ETFDH: variants seen among roughly 807,000 people sequenced by gnomAD.
ETFDH encodes the protein electron transfer flavoprotein-ubiquinone oxidoreductase, mitochondrial.
In ETFDH, 61 loss-of-function variants were observed where a neutral mutation model predicts 73.2. That is an observed-to-expected ratio of 0.83 (90% CI 0.68 to 1.03). ETFDH has a LOEUF of 1.03. Ranked by LOEUF, ETFDH falls within the 50% of genes least tolerant of loss-of-function variation. The pLI is 0.00. For missense variants in ETFDH, 685 were observed against 745.0 expected (o/e 0.92, Z 0.94); for synonymous variants, 243 against 253.3 (o/e 0.96, Z 0.39).
chr4:158,680,736 C>T (rs1388719135), intron 2 of ETFDH, 129 bp downstream of exon 2: 3 of 780,174 alleles, frequency 3.8e-6, no homozygotes, highest in South Asian at 1.5e-5. Context: ...TACCAAGTCA[C>T]ATGCTGCATA....
intron 12 of ETFDH, 141 bp downstream of exon 12, chr4:158,706,991 T>A: frequency 1.6e-6 from 1 of 619,378 alleles, no homozygotes; most frequent in Non-Finnish European, 2.9e-6. Flanking sequence ...TTAGGAAACA[T>A]ACTTTTAACT....
At position 158,698,900 on chromosome 4, in the gene ETFDH, A is replaced by T. The variant is rs549973899; in HGVS notation, c.973-87A>T. 19 of 944,132 alleles carry T rather than the reference A, an allele frequency of 2.0e-5. No individual in the cohort carries two copies. The African/African-American group carries it at 2.8e-4, about 14-fold the overall frequency. 58.5% of individuals were successfully genotyped at this position (944,132 alleles called of 1,614,324 possible). ...TTTGAGTAAAAGAAATTTAACCTAC[A>T]TGTTTTCTGATAAACATTGCTTACA... On this transcript the variant is annotated intron_variant, in intron 8 of 12. Coordinates refer to ENST00000511912, the MANE Select transcript of ETFDH (RefSeq NM_004453.4).
At chr4:158,689,842 T>G (rs1408733681) in intron 5 of ETFDH, among the ~76,000 whole-genome samples, 1 of 151,694 alleles carries the variant, frequency 6.6e-6, no homozygotes, top group South Asian at 2.1e-4. Context: ...TTTGACCTAT[T>G]TTCCCCTTTT....
rs1773974012 is a variant in ETFDH at position 158,685,203 on chromosome 4, G to A, written c.590G>A (p.Gly197Asp). The part of the protein sequence containing the change: ...AEALGVEVYP[G>D]YAAAEVLFHD... ...GCCCTTGGTGTTGAAGTATACCCTG[G>A]TTATGCAGCTGCTGAGGTTTGTATA... The change falls in exon 5 of 13, where the codon GGT becomes GAT. Residue 197 changes from glycine to aspartate, a missense_variant. Gly to Asp is a moderately conservative substitution (Grantham distance 94). This residue lies in a region of ETFDH where 405 missense variants were observed against 399.3 expected (regional missense o/e 1.01). Coordinates refer to ENST00000511912, the MANE Select transcript of ETFDH (RefSeq NM_004453.4). 6.3e-7 allele frequency: 1 copy of A among 1,596,678 alleles called. No individual in the cohort carries two copies. Among genetic ancestry groups the A allele is most frequent in the Non-Finnish European group, 8.6e-7 (1 of 1,164,384 alleles).
chr4:158,697,434 C>A, intron 7 of ETFDH, 125 bp from the exon 8 acceptor site: 1 of 815,780 alleles, frequency 1.2e-6, no homozygotes, highest in Non-Finnish European at 2.0e-6. Context: ...ATTCTTATAT[C>A]ACAGTTTTTC....
intron 9 of ETFDH, among the ~76,000 whole-genome samples, chr4:158,699,975 T>A (rs1460236344): frequency 1.3e-5 from 2 of 152,184 alleles, no homozygotes; most frequent in African/African-American, 2.4e-5. Flanking sequence ...TTGTACCAAA[T>A]TATTTGGAGC....
intron 9 of ETFDH, among the ~76,000 whole-genome samples, chr4:158,701,123 G>A (rs79425428): frequency 3.3e-5 from 5 of 152,092 alleles, no homozygotes; most frequent in African/African-American, 1.2e-4. Flanking sequence ...CCCACCCAAG[G>A]TAGGATCCTC....
chr4:158,684,485 G>A (rs1463909440), intron 3 of ETFDH, 107 bp from the exon 4 acceptor site: 5 of 656,122 alleles, frequency 7.6e-6, no homozygotes, highest in Non-Finnish European at 1.4e-5. Context: ...AAAATTAGGG[G>A]GGAGTTCTTT....
intron 7 of ETFDH, 93 bp downstream of exon 7, chr4:158,695,736 A>C (rs1000709011): frequency 1.1e-6 from 1 of 874,672 alleles, no homozygotes. Flanking sequence ...ATTTAATTTT[A>C]GTTATATTTT....
chr4:158,685,027 T>TTA (rs1159014425), intron 4 of ETFDH, 74 bp from the exon 5 acceptor site: 1 of 884,558 alleles, frequency 1.1e-6, no homozygotes, highest in African/African-American at 1.7e-5. Flanking sequence ...TGATTCGAAA[T>TTA]TTTAAAGTAT....
intron 7 of ETFDH, 145 bp downstream of exon 7, chr4:158,695,788 C>T (rs1348346123): frequency 2.1e-5 from 14 of 661,306 alleles, no homozygotes; most frequent in African/African-American, 7.3e-5. Context: ...AACTTATTTG[C>T]GATATTTTTC....
rs1394715045 is a variant in ETFDH, at chr4:158,690,202, C to T, written c.607-146C>T. On this transcript the variant is annotated intron_variant, in intron 5 of 12. Coordinates refer to ENST00000511912, the MANE Select transcript of ETFDH (RefSeq NM_004453.4). ...GAAGGGAGTACCTTAATACATGTCT[C>T]TTTATTACCTGAACATTTTAAACTC... 87 of 630,858 alleles carry T rather than the reference C, an allele frequency of 1.4e-4. No homozygotes were observed. In the East Asian group the frequency reaches 2.4e-3, roughly 17 times the overall value. 39.1% of individuals were successfully genotyped at this position (630,858 alleles called of 1,614,324 possible).
chr4:158,678,593 G>A (rs1773768920), intron 1 of ETFDH, among the ~76,000 whole-genome samples: 1 of 150,678 alleles, frequency 6.6e-6, no homozygotes, highest in Non-Finnish European at 1.5e-5. Flanking sequence ...TACTCAATAA[G>A]TTCATCCCAC....
intron 9 of ETFDH, among the ~76,000 whole-genome samples, chr4:158,702,864 T>A (rs1774501255): frequency 6.6e-6 from 1 of 152,148 alleles, no homozygotes; most frequent in African/African-American, 2.4e-5. Flanking sequence ...ATATGGGTAG[T>A]TCTATTTGTA....
intron 9 of ETFDH, among the ~76,000 whole-genome samples, chr4:158,700,221 A>G (rs958659597): frequency 6.6e-6 from 1 of 151,912 alleles, no homozygotes; most frequent in Non-Finnish European, 1.5e-5. Context: ...CCATAGCTAC[A>G]TTATAAATAT....
chr4:158,706,502 ATTATT>A, intron 11 of ETFDH, 122 bp from the exon 12 acceptor site: 1 of 1,090,318 alleles, frequency 9.2e-7, no homozygotes, highest in Non-Finnish European at 1.4e-6. Flanking sequence ...AGAACAGTAT[ATTATT>A]ACTTGAGGGC....
At chr4:158,684,746 T>C in intron 4 of ETFDH, 73 bp downstream of exon 4, 1 of 898,308 alleles carries the variant, frequency 1.1e-6, no homozygotes, top group East Asian at 2.4e-5. Flanking sequence ...TCTGACGAAA[T>C]TTCCTCCTTT....
intron 8 of ETFDH, among the ~76,000 whole-genome samples, chr4:158,698,305 T>C (rs897598671): frequency 4.6e-5 from 7 of 152,240 alleles, no homozygotes; most frequent in Non-Finnish European, 7.3e-5. Flanking sequence ...ATATGATACA[T>C]TGTTAAATTT....
intron 1 of ETFDH, among the ~76,000 whole-genome samples, chr4:158,678,250 A>G (rs1300109767): frequency 2.0e-5 from 3 of 152,224 alleles, no homozygotes; most frequent in Non-Finnish European, 2.9e-5. Context: ...GCAGGTCTCC[A>G]TAGTCTACTT....
Sources: allele counts gnomAD v4.1 joint callset (sites outside exome capture counted in the v4.1 genomes callset), GRCh38; gene constraint gnomAD v4.1.1; regional missense constraint gnomAD v4.1.1; transcripts MANE v1.5; gene names NCBI Gene and HGNC (gene_info 2026-07-23, HGNC 2026-07-21).